The following CDH13 variants were observed in gnomAD, a reference collection of about 807,000 sequenced individuals.
CDH13 encodes the protein cadherin-13.
Under a neutral mutation model 63.8 loss-of-function variants are expected in CDH13, and 24 were observed. That is an observed-to-expected ratio of 0.38 (90% confidence interval 0.27 to 0.53). The LOEUF is 0.53. Ranked by LOEUF, CDH13 falls within the 20% of genes least tolerant of loss-of-function variation. CDH13 has a pLI of 0.85. For synonymous variants in CDH13, 503 were observed against 355.3 expected (o/e 1.42, Z -4.67); for missense variants, 1,049 against 903.1 (o/e 1.16, Z -2.07).
intron 2 of CDH13, among the ~76,000 whole-genome samples, chr16:82,948,783 T>C (rs142943185): frequency 7.2e-5 from 11 of 152,290 alleles, no homozygotes; most frequent in Non-Finnish European, 1.3e-4. Context: ...AGGTACCATA[T>C]AACTAATCTT....
intron 3 of CDH13, among the ~76,000 whole-genome samples, chr16:83,105,651 T>C (rs1357177143): frequency 1.4e-5 from 2 of 146,576 alleles, no homozygotes; most frequent in Non-Finnish European, 2.9e-5. Context: ...AGATACTACT[T>C]ATTAAAGTTA....
intron 5 of CDH13, among the ~76,000 whole-genome samples, chr16:83,259,811 C>T (rs546860254): frequency 2.0e-5 from 3 of 152,164 alleles, no homozygotes; most frequent in Admixed American, 6.6e-5. Flanking sequence ...TGGCAGCTTA[C>T]CTACCTTTCA....
chr16:82,797,591 C>G (rs1179786728), intron 1 of CDH13, among the ~76,000 whole-genome samples: 1 of 152,090 alleles, frequency 6.6e-6, no homozygotes, highest in African/African-American at 2.4e-5. Flanking sequence ...AACTAGAAAA[C>G]AAAGAGACTT....
At chr16:83,318,236 T>C (rs2090146527) in intron 5 of CDH13, among the ~76,000 whole-genome samples, 1 of 152,214 alleles carries the variant, frequency 6.6e-6, no homozygotes, top group South Asian at 2.1e-4. Context: ...AGGAAGGTCT[T>C]ACTGTGTTTT....
intron 6 of CDH13, among the ~76,000 whole-genome samples, chr16:83,433,194 A>T (rs1197152062): frequency 6.6e-6 from 1 of 152,128 alleles, no homozygotes; most frequent in Non-Finnish European, 1.5e-5. Flanking sequence ...GAGTGTTGGG[A>T]CCAGAAAGGG....
At chr16:83,484,180 G>T (rs2073835406) in intron 6 of CDH13, among the ~76,000 whole-genome samples, 1 of 152,174 alleles carries the variant, frequency 6.6e-6, no homozygotes, top group South Asian at 2.1e-4. Flanking sequence ...GATTCCAGTG[G>T]TGGGGGAAAA....
intron 7 of CDH13, among the ~76,000 whole-genome samples, chr16:83,505,435 G>T (rs1011026451): frequency 1.3e-5 from 2 of 151,882 alleles, no homozygotes; most frequent in Non-Finnish European, 2.9e-5. Context: ...GAATTCATGG[G>T]AAACAGCCTA....
intron 7 of CDH13, among the ~76,000 whole-genome samples, chr16:83,592,520 G>A (rs1249852546): frequency 6.6e-6 from 1 of 152,138 alleles, no homozygotes; most frequent in Non-Finnish European, 1.5e-5. Context: ...TTCTAGGAAC[G>A]CCATTGGCAG....
intron 10 of CDH13, among the ~76,000 whole-genome samples, chr16:83,731,553 G>C (rs976151500): frequency 1.3e-5 from 2 of 152,180 alleles, no homozygotes; most frequent in Non-Finnish European, 2.9e-5. Context: ...ATAGATTCTG[G>C]ATATTAGACC....
At chr16:83,746,892 G>T (rs1912634479) in intron 10 of CDH13, among the ~76,000 whole-genome samples, 1 of 152,160 alleles carries the variant, frequency 6.6e-6, no homozygotes, top group Non-Finnish European at 1.5e-5. Flanking sequence ...TCTCAAAAGA[G>T]CAACCTCAAA....
chr16:82,807,774 T>C (rs1396272001), intron 1 of CDH13, among the ~76,000 whole-genome samples: 2 of 152,176 alleles, frequency 1.3e-5, no homozygotes, highest in Non-Finnish European at 2.9e-5. Flanking sequence ...GAGCATTTTA[T>C]ATGTGGAGGA....
At chr16:82,691,193 GAGGAA>G (rs1271410675) in intron 1 of CDH13, among the ~76,000 whole-genome samples, 1 of 152,186 alleles carries the variant, frequency 6.6e-6, no homozygotes, top group African/African-American at 2.4e-5. Flanking sequence ...ACCTACAAGT[GAGGAA>G]AGGAAGACCA....
chr16:83,734,753 T>TAATAATAATAAC (rs1353364606), intron 10 of CDH13, among the ~76,000 whole-genome samples: 3 of 149,194 alleles, frequency 2.0e-5, no homozygotes, highest in Non-Finnish European at 3.0e-5. Context: ...ATAATAATAA[T>TAATAATAATAAC]AAAAACAGGG....
chr16:82,938,414 G>C (rs758815565), intron 2 of CDH13, among the ~76,000 whole-genome samples: 6 of 152,182 alleles, frequency 3.9e-5, no homozygotes, highest in African/African-American at 7.2e-5. Context: ...AAATATCAAT[G>C]GTCTCTGCCA....
At chr16:83,546,323 C>A (rs936338241) in intron 7 of CDH13, among the ~76,000 whole-genome samples, 1 of 152,072 alleles carries the variant, frequency 6.6e-6, no homozygotes, top group Admixed American at 6.6e-5. Context: ...GGAATTCATG[C>A]ATAGCAGCAG....
Position 83,171,051 on chromosome 16 carries a change from C to G in CDH13, c.483+45550C>G, listed in dbSNP as rs1271547148. ...ATTCTCACATGGCTATAAAGAAATACCTGAGACTGGGTAATTTATAAAGAG... is the reference window on the plus strand; with the variant it reads ...ATTCTCACATGGCTATAAAGAAATAGCTGAGACTGGGTAATTTATAAAGAG... On this transcript the variant is annotated intron_variant, in intron 4 of 13. Transcript: ENST00000567109. 2.0e-5 allele frequency among the ~76,000 whole-genome samples: 3 copies of G among 151,904 alleles called. 1 individual carries two copies.
chr16:83,319,792 T>C (rs148918764), intron 5 of CDH13, among the ~76,000 whole-genome samples: 186 of 152,300 alleles, frequency 1.2e-3, no homozygotes, highest in African/African-American at 4.0e-3. Flanking sequence ...CAGGGAAAGC[T>C]TGAATGGGCT....
intron 3 of CDH13, among the ~76,000 whole-genome samples, chr16:83,064,335 C>A (rs574255317): frequency 6.7e-6 from 1 of 149,042 alleles, no homozygotes; most frequent in African/African-American, 2.5e-5. Flanking sequence ...TGCCATTGCA[C>A]TCCAGCCTGG....
chr16:83,457,880 A>T (rs951997403), intron 6 of CDH13, among the ~76,000 whole-genome samples: 6 of 152,144 alleles, frequency 3.9e-5, no homozygotes, highest in African/African-American at 1.4e-4. Flanking sequence ...CTAAATTTGC[A>T]TTTTCAAAAG....
Sources: gnomAD v4.1 joint callset for allele counts (sites outside exome capture counted in the v4.1 genomes callset) on GRCh38, gnomAD v4.1.1 for gene constraint, MANE v1.5 for transcripts, NCBI Gene and HGNC (gene_info 2026-07-23, HGNC 2026-07-21) for gene names.